TENM2: variants seen among roughly 807,000 people sequenced by gnomAD.
TENM2 encodes the protein teneurin-2.
In TENM2, 52 loss-of-function variants were observed where a neutral mutation model predicts 245.2. The ratio of observed to expected loss-of-function variants is 0.21; its 90% confidence interval spans 0.17 to 0.27. The LOEUF is 0.27. Among genes scored for constraint, TENM2 ranks in the 10% least tolerant of loss-of-function variants. TENM2 has a pLI of 1.00. For synonymous variants in TENM2, 1,363 were observed against 1,438.9 expected, an observed-to-expected ratio of 0.95 and a Z score of 1.19; for missense variants, 3,046 against 3,666.8, an observed-to-expected ratio of 0.83 and a Z score of 4.37.
At chr5:168,246,928 A>T (rs2152690843) in exon 27 of TENM2, 1 of 1,614,028 alleles carries the variant, frequency 6.2e-7, no homozygotes, top group Admixed American at 1.7e-5. Context: ...TGCTTCGGTC[A>T]TCTTTGACTA....
intron 12 of TENM2, among the ~76,000 whole-genome samples, chr5:168,147,843 A>G (rs1756244395): frequency 6.6e-6 from 1 of 152,186 alleles, no homozygotes; most frequent in Non-Finnish European, 1.5e-5. Flanking sequence ...CCCTAAATCA[A>G]GACACATTGC....
intron 20 of TENM2, 65 bp from the exon 23 acceptor site, chr5:168,214,975 C>T (rs1763060214): frequency 1.4e-6 from 2 of 1,423,328 alleles, no homozygotes; most frequent in South Asian, 2.3e-5. Context: ...TTTGTCATTC[C>T]TTTGATCTAG....
At chr5:167,960,165 C>G (rs555865352) in intron 4 of TENM2, among the ~76,000 whole-genome samples, 1 of 152,190 alleles carries the variant, frequency 6.6e-6, no homozygotes, top group African/African-American at 2.4e-5. Context: ...TCAGGAGGCA[C>G]GGGGGTTAGG....
At chr5:167,597,247 C>A (rs1776289029) in intron 2 of TENM2, among the ~76,000 whole-genome samples, 1 of 149,298 alleles carries the variant, frequency 6.7e-6, no homozygotes, top group Non-Finnish European at 1.5e-5. Context: ...TCACTGCAAT[C>A]TCCACCTCCT....
the TENM2 span, among the ~76,000 whole-genome samples, chr5:167,107,780 G>A: frequency 2.0e-5 from 3 of 152,196 alleles, no homozygotes; most frequent in African/African-American, 7.2e-5. Flanking sequence ...TTTGTCCAAT[G>A]TCAAGGAAGA....
chr5:167,573,262 A>G (rs1293033639), intron 2 of TENM2, among the ~76,000 whole-genome samples: 2 of 152,186 alleles, frequency 1.3e-5, no homozygotes, highest in Non-Finnish European at 2.9e-5. Flanking sequence ...AATTGCACAT[A>G]AATGCATCCT....
the TENM2 span, among the ~76,000 whole-genome samples, chr5:167,193,195 C>G: frequency 3.9e-5 from 6 of 151,980 alleles, no homozygotes; most frequent in African/African-American, 1.4e-4. Context: ...CTCTTAAACC[C>G]ATTAAGACTT....
At position 168,238,194 on chromosome 5, in the gene TENM2, G is replaced by A. The variant is rs1455060958; in HGVS notation, c.5521-6226G>A. 9.0e-4 allele frequency among the ~76,000 whole-genome samples: 71 copies of A among 78,612 alleles called. 5 individuals are homozygous for A. The highest frequency in any genetic ancestry group is 3.5e-3 in the African/African-American group (66 of 18,860). 51.6% of individuals were successfully genotyped at this position (78,612 alleles called of 152,430 possible). On this transcript the variant is annotated intron_variant, in intron 25 of 28. Coordinates refer to ENST00000518659, the Ensembl canonical transcript of TENM2. ...GAGAGAGAGAGAGAGAGGGAGGGAG[G>A]GAGGGAGGGAGGGAGGGAGGGAGAG...
intron 4 of TENM2, 60 bp downstream of exon 6, chr5:167,952,882 C>A: frequency 7.2e-7 from 1 of 1,385,276 alleles, no homozygotes; most frequent in Non-Finnish European, 1.0e-6. Flanking sequence ...TGAGTCACCA[C>A]ACAGAGCCAC....
intron 6 of TENM2, among the ~76,000 whole-genome samples, chr5:168,051,050 T>G (rs1005757090): frequency 6.6e-6 from 1 of 152,204 alleles, no homozygotes; most frequent in African/African-American, 2.4e-5. Context: ...GAAAGACGAT[T>G]CAATACAGTA....
the TENM2 span, among the ~76,000 whole-genome samples, chr5:167,016,045 G>A: frequency 2.6e-5 from 4 of 151,930 alleles, no homozygotes; most frequent in Admixed American, 1.3e-4. Flanking sequence ...ACGAGGTCAG[G>A]AGATCGAGAC....
At chr5:167,656,757 G>T (rs1383878372) in intron 2 of TENM2, among the ~76,000 whole-genome samples, 1 of 151,852 alleles carries the variant, frequency 6.6e-6, no homozygotes, top group Non-Finnish European at 1.5e-5. Context: ...AGTTAACTTG[G>T]TTACATTATA....
intron 2 of TENM2, among the ~76,000 whole-genome samples, chr5:167,602,029 A>T (rs1412188074): frequency 1.3e-5 from 2 of 151,892 alleles, no homozygotes; most frequent in African/African-American, 4.8e-5. Flanking sequence ...GGATAGAAAA[A>T]AAAAAAACAC....
chr5:168,127,060 C>A, intron 12 of TENM2, 94 bp downstream of exon 14: 1 of 1,069,214 alleles, frequency 9.4e-7, no homozygotes, highest in Non-Finnish European at 1.4e-6. Flanking sequence ...TGCTCTCCCA[C>A]ATTTCCTGCT....
chr5:168,026,844 G>C (rs768391072), intron 5 of TENM2, among the ~76,000 whole-genome samples: 14 of 152,100 alleles, frequency 9.2e-5, no homozygotes, highest in Non-Finnish European at 1.9e-4. Context: ...TTACACCACA[G>C]TGAACCAAAC....
chr5:168,116,837 C>T (rs756098329), intron 9 of TENM2, among the ~76,000 whole-genome samples: 16 of 152,044 alleles, frequency 1.1e-4, no homozygotes, highest in African/African-American at 2.7e-4. Flanking sequence ...TGGCACAGGG[C>T]GCTCACCCGG....
chr5:166,992,268 G>T, the TENM2 span, among the ~76,000 whole-genome samples: 5 of 152,132 alleles, frequency 3.3e-5, no homozygotes, highest in South Asian at 1.0e-3. Context: ...AGGAGATCTA[G>T]CCAGAGGAAT....
intron 3 of TENM2, among the ~76,000 whole-genome samples, chr5:167,877,187 C>T (rs1382528332): frequency 1.3e-5 from 2 of 152,056 alleles, no homozygotes; most frequent in Admixed American, 6.6e-5. Context: ...CTTTCCATGC[C>T]GAGAGTGGGT....
chr5:167,800,969 A>G (rs372704692), intron 2 of TENM2, among the ~76,000 whole-genome samples: 68 of 151,670 alleles, frequency 4.5e-4, no homozygotes, highest in African/African-American at 1.5e-3. Flanking sequence ...CTTCACTTCT[A>G]TGTTTCAAAA....
Sources: allele counts gnomAD v4.1 joint callset (sites outside exome capture counted in the v4.1 genomes callset), GRCh38; gene constraint gnomAD v4.1.1; transcripts MANE v1.5; gene names NCBI Gene and HGNC (gene_info 2026-07-23, HGNC 2026-07-21).